The following AGTPBP1 variants were observed in gnomAD, a reference collection of about 807,000 sequenced individuals.
AGTPBP1 encodes the protein ATP/GTP binding carboxypeptidase 1, also known as cytosolic carboxypeptidase 1.
AGTPBP1 carries 70 observed loss-of-function variants against 143.9 expected under a neutral mutation model. That is an observed-to-expected ratio of 0.49 (90% confidence interval 0.40 to 0.59). AGTPBP1 has a LOEUF of 0.59. Among genes scored for constraint, AGTPBP1 ranks in the 20% least tolerant of loss-of-function variants. The pLI is 0.00. For missense variants in AGTPBP1, 1,229 were observed against 1,464.5 expected (o/e 0.84, Z 2.62); for synonymous variants, 463 against 500.2 (o/e 0.93, Z 0.99).
chr9:85,561,410 C>T (rs1392712141), intron 25 of AGTPBP1, among the ~76,000 whole-genome samples: 1 of 151,430 alleles, frequency 6.6e-6, no homozygotes, highest in Non-Finnish European at 1.5e-5. Context: ...AAAGACAGAC[C>T]ATTTTCAAAA....
chr9:85,666,648 T>C (rs1205626464), intron 8 of AGTPBP1, among the ~76,000 whole-genome samples: 1 of 152,136 alleles, frequency 6.6e-6, no homozygotes, highest in Non-Finnish European at 1.5e-5. Context: ...ATATACCCCA[T>C]GTGGTATATT....
rs757908920 is a variant in AGTPBP1, at chr9:85,632,669, C to T, written c.2008G>A (p.Val670Ile). ...AAGAAATATGCAACTCACCTTTGTA[C>T]ACCATAAGGCCTTTCTAAAATAGGC... ...KEPILERPYG[V>I]QRTKIAQDIE... The change falls in exon 14 of 26, where the codon GTA becomes ATA. Residue 670 changes from valine to isoleucine, a missense_variant. Coordinates refer to ENST00000357081, the MANE Select transcript of AGTPBP1 (RefSeq NM_001330701.2). 2 of 1,596,120 alleles carry T rather than the reference C, an allele frequency of 1.3e-6. No individual in the cohort carries two copies. The highest frequency in any genetic ancestry group is 1.7e-4 in the Middle Eastern group (1 of 5,942).
At chr9:85,567,507 G>A (rs908116806) in intron 25 of AGTPBP1, among the ~76,000 whole-genome samples, 16 of 152,130 alleles carry the variant, frequency 1.1e-4, no homozygotes, top group African/African-American at 1.7e-4. Flanking sequence ...CAGAAGAATC[G>A]CTTGAGCCTG....
intron 11 of AGTPBP1, among the ~76,000 whole-genome samples, chr9:85,647,802 T>C (rs994662863): frequency 6.6e-6 from 1 of 152,172 alleles, no homozygotes; most frequent in African/African-American, 2.4e-5. Flanking sequence ...ATGATATCTT[T>C]AGAAAATAAC....
At chr9:85,697,475 CAG>C (rs1338567540) in intron 2 of AGTPBP1, among the ~76,000 whole-genome samples, 2 of 80,994 alleles carry the variant, frequency 2.5e-5, no homozygotes, top group Non-Finnish European at 4.2e-5. Context: ...TTTTTTGAGG[CAG>C]AGTCTTGCTC....
intron 15 of AGTPBP1, among the ~76,000 whole-genome samples, chr9:85,620,533 T>A (rs542732913): frequency 6.6e-6 from 1 of 152,236 alleles, no homozygotes; most frequent in South Asian, 2.1e-4. Context: ...TGAGGGCTAA[T>A]TGAATTTCTC....
At chr9:85,720,961 T>C (rs560170125) in intron 1 of AGTPBP1, among the ~76,000 whole-genome samples, 40 of 152,326 alleles carry the variant, frequency 2.6e-4, no homozygotes. Flanking sequence ...TCAGTTTCCA[T>C]GTAGTTGTGC....
At chr9:85,687,215 A>C (rs1211779317) in intron 3 of AGTPBP1, among the ~76,000 whole-genome samples, 1 of 152,198 alleles carries the variant, frequency 6.6e-6, no homozygotes, top group African/African-American at 2.4e-5. Flanking sequence ...TACACAGCTA[A>C]GAACAGGGCC....
chr9:85,792,888 T>C, the AGTPBP1 span, among the ~76,000 whole-genome samples: 7,938 of 151,858 alleles, frequency 0.052, 720 homozygotes, highest in African/African-American at 0.18. Flanking sequence ...GATAACTGTT[T>C]GGCACACATG....
rs1167692438 is a variant in AGTPBP1 at position 85,741,921 on chromosome 9, A to AGCTGCGGCG, written c.-189_-181dup. ...GCGAGGCGGAGGCGGCGGCGGCGGC[A>AGCTGCGGCG]GCTGCGGCGGCGGCGCTGGAGGCGG... is the stretch of plus-strand genomic sequence containing the variant. On this transcript the variant is annotated 5_prime_UTR_variant, in exon 1 of 26. Coordinates refer to ENST00000357081, the MANE Select transcript of AGTPBP1 (RefSeq NM_001330701.2). The AGCTGCGGCG allele has an allele frequency of 1.3e-5, 17 of 1,310,706 alleles. No homozygotes were observed. In the East Asian group the frequency reaches 5.3e-4, roughly 41 times the overall value. 81.2% of individuals were successfully genotyped at this position (1,310,706 alleles called of 1,614,324 possible).
chr9:85,580,215 C>A (rs1326540977), intron 23 of AGTPBP1, among the ~76,000 whole-genome samples: 5 of 140,938 alleles, frequency 3.5e-5, no homozygotes, highest in African/African-American at 5.3e-5. Flanking sequence ...CCAGCCTGGG[C>A]AACAAGGGTG....
intron 25 of AGTPBP1, among the ~76,000 whole-genome samples, chr9:85,549,967 C>T (rs1009675582): frequency 1.3e-5 from 2 of 152,208 alleles, no homozygotes; most frequent in African/African-American, 2.4e-5. Context: ...ATGGCCCTAA[C>T]ATTTGACTCT....
At chr9:85,695,903 G>A (rs1320456576) in intron 2 of AGTPBP1, among the ~76,000 whole-genome samples, 2 of 151,196 alleles carry the variant, frequency 1.3e-5, no homozygotes, top group Admixed American at 6.6e-5. Context: ...GTACAGTGGC[G>A]CAATCTCGGC....
At chr9:85,595,612 C>T (rs763504107) in intron 18 of AGTPBP1, among the ~76,000 whole-genome samples, 19 of 152,178 alleles carry the variant, frequency 1.2e-4, no homozygotes, top group African/African-American at 3.6e-4. Context: ...TTGCAACCTC[C>T]GCCTCCCGGG....
chr9:85,675,259 T>C (rs752523905), intron 6 of AGTPBP1, among the ~76,000 whole-genome samples: 2 of 152,168 alleles, frequency 1.3e-5, no homozygotes, highest in African/African-American at 4.8e-5. Flanking sequence ...TTTGTGCAAG[T>C]AGACAACCGT....
At chr9:85,784,872 T>C in the AGTPBP1 span, among the ~76,000 whole-genome samples, 2 of 152,240 alleles carry the variant, frequency 1.3e-5, no homozygotes, top group African/African-American at 4.8e-5. Context: ...CTGTTAACTC[T>C]TATAGTTTTT....
At chr9:85,692,589 T>G in intron 3 of AGTPBP1, 100 bp downstream of exon 3, 1 of 1,458,206 alleles carries the variant, frequency 6.9e-7, no homozygotes, top group Non-Finnish European at 9.2e-7. Flanking sequence ...GTTCAATTTT[T>G]GTGGAAAATC....
At chr9:85,654,459 T>C (rs945370525) in intron 11 of AGTPBP1, among the ~76,000 whole-genome samples, 1 of 152,052 alleles carries the variant, frequency 6.6e-6, no homozygotes, top group Non-Finnish European at 1.5e-5. Flanking sequence ...TTTTTTAACT[T>C]AAGAAAAAAA....
At chr9:85,583,357 T>G (rs551745898) in intron 23 of AGTPBP1, among the ~76,000 whole-genome samples, 1 of 152,074 alleles carries the variant, frequency 6.6e-6, no homozygotes, top group Non-Finnish European at 1.5e-5. Context: ...CACACCCACA[T>G]GCGCACCTGC....
Sources: allele counts gnomAD v4.1 joint callset (sites outside exome capture counted in the v4.1 genomes callset), GRCh38; gene constraint gnomAD v4.1.1; transcripts MANE v1.5; gene names NCBI Gene and HGNC (gene_info 2026-07-23, HGNC 2026-07-21).